NEB: variants seen among roughly 807,000 people sequenced by gnomAD.
NEB encodes the protein nemaline myopathy type 2.
NEB carries 512 observed loss-of-function variants against 952.2 expected under a neutral mutation model. The ratio of observed to expected loss-of-function variants is 0.54; its 90% CI spans 0.50 to 0.58. The LOEUF (loss-of-function observed/expected upper bound fraction) is 0.58. Among genes scored for constraint, NEB ranks in the 20% least tolerant of loss-of-function variants. The pLI, the probability that NEB is intolerant of heterozygous loss-of-function variation, is 0.00. For missense variants in NEB, 8,428 were observed against 9,231.1 expected (o/e 0.91, Z 3.56); for synonymous variants, 2,900 against 3,149.8 (o/e 0.92, Z 2.66).
chr2:151,667,086 T>C (rs975682348), intron 40 of NEB, among the ~76,000 whole-genome samples: 1 of 151,678 alleles, frequency 6.6e-6, no homozygotes, highest in Non-Finnish European at 1.5e-5. Flanking sequence ...ACTAAAATCC[T>C]GTTATATAAT....
intron 81 of NEB, 82 bp downstream of exon 81, chr2:151,609,727 G>A: frequency 7.3e-7 from 1 of 1,370,138 alleles, no homozygotes; most frequent in Non-Finnish European, 1.0e-6. Flanking sequence ...CAGCCCAGGG[G>A]ACTGTCCTCA....
In NEB at chr2:151,672,571, G is replaced by A; in HGVS notation, c.4097C>T (p.Ser1366Phe). The A allele has an allele frequency of 6.2e-7, 1 of 1,613,996 alleles. No individual in the cohort carries two copies. The highest frequency in any genetic ancestry group is 1.1e-5 in the South Asian group (1 of 91,086). ...ATAGTTCTTCTTGTATTCACGATCAGACTGCAGCTTTGCCACATTCATATA... is the reference window on the plus strand; with the variant it reads ...ATAGTTCTTCTTGTATTCACGATCAAACTGCAGCTTTGCCACATTCATATA... ...VHYMNVAKLQ[S>F]DREYKKNYEN... The change falls in exon 37 of 182, where the codon TCT becomes TTT. Residue 1366 changes from serine (S) to phenylalanine (F), a missense_variant. This residue lies in a region of NEB where 2,851 missense variants were observed against 2,791.5 expected (regional missense o/e 1.02). Coordinates refer to ENST00000397345, the MANE Select transcript of NEB (RefSeq NM_001164508.2).
chr2:151,572,383 A>G (rs982709673), intron 107 of NEB, among the ~76,000 whole-genome samples: 31 of 151,572 alleles, frequency 2.0e-4, no homozygotes, highest in African/African-American at 7.2e-4. Context: ...GCAAACGTGT[A>G]TTATGTTATC....
rs2098235987 is a variant in NEB at position 151,617,398 on chromosome 2, A to G, written c.11147T>C (p.Met3716Thr). ...GTTTATTCGGTTGAGTTTGGCTAACATGATTTCTGGTGTATCAGGCATGAC... is the reference window on the plus strand; with the variant it reads ...GTTTATTCGGTTGAGTTTGGCTAACGTGATTTCTGGTGTATCAGGCATGAC... ...IHVMPDTPEI[M>T]LAKLNRINYS... The change falls in exon 75 of 182, where the codon ATG (methionine) becomes ACG (threonine). Residue 3716 changes from methionine to threonine, a missense_variant. Transcript: ENST00000397345. The G allele has an allele frequency of 1.3e-6, 2 of 1,570,972 alleles. No individual in the cohort carries two copies. Among genetic ancestry groups the G allele is most frequent in the Admixed American group, 1.8e-5 (1 of 54,596 alleles).
chr2:151,498,334 G>A lies in NEB; in HGVS notation c.24133C>T (p.Leu8045=). The A allele has an allele frequency of 1.3e-6, 2 of 1,550,696 alleles. No individual in the cohort carries two copies. The highest frequency in any genetic ancestry group is 8.7e-7 in the Non-Finnish European group (1 of 1,146,374). The part of the protein sequence containing the change: ...NFSSVLYKEN[L]GTGIPIPITP... ...ATGGGGATTGGAATTCCTGTCCCCA[G>A]GTTTTCTTTGTATAGCACCTGTATG... is the stretch of plus-strand genomic sequence containing the variant. The change falls in exon 170 of 182, where the codon CTG becomes TTG. Residue 8045 remains leucine, a synonymous_variant. Coordinates refer to ENST00000397345, the MANE Select transcript of NEB (RefSeq NM_001164508.2).
chr2:151,716,753 T>C (rs1210946303), intron 10 of NEB, among the ~76,000 whole-genome samples: 2 of 152,094 alleles, frequency 1.3e-5, no homozygotes, highest in Non-Finnish European at 1.5e-5. Context: ...CTGACACTCA[T>C]CTCCACAGAG....
At chr2:151,723,750 G>GTTTTTTTTTTTTTT (rs11308757) in intron 8 of NEB, among the ~76,000 whole-genome samples, 15 of 51,358 alleles carry the variant, frequency 2.9e-4, no homozygotes, top group Non-Finnish European at 5.2e-4. Flanking sequence ...TGCCTTCTTT[G>GTTTTTTTTTTTTTT]TTTTTTTTTT....
intron 84 of NEB, among the ~76,000 whole-genome samples, chr2:151,605,616 G>C (rs531424377): frequency 1.6e-5 from 2 of 125,994 alleles, no homozygotes; most frequent in East Asian, 4.9e-4. Flanking sequence ...CAAAGAGAGA[G>C]AAAACTGGGA....
intron 13 of NEB, among the ~76,000 whole-genome samples, chr2:151,699,930 T>C (rs2099633185): frequency 6.7e-6 from 1 of 150,206 alleles, no homozygotes; most frequent in South Asian, 2.1e-4. Flanking sequence ...AGACAGGAAG[T>C]CCTTGCCCAT....
chr2:151,546,212 A>G (rs1277757559), intron 134 of NEB, 133 bp downstream of exon 134: 2 of 741,316 alleles, frequency 2.7e-6, no homozygotes, highest in Non-Finnish European at 4.5e-6. Context: ...TAATCTGCTC[A>G]AGTGAGTTAA....
chr2:151,681,556 C>T (rs960624454), intron 29 of NEB, among the ~76,000 whole-genome samples: 3 of 152,176 alleles, frequency 2.0e-5, no homozygotes, highest in Non-Finnish European at 4.4e-5. Context: ...AAACCACTAA[C>T]CCAGAACTTT....
chr2:151,512,207 A>AT (rs1282822020), intron 161 of NEB, among the ~76,000 whole-genome samples: 14 of 150,568 alleles, frequency 9.3e-5, no homozygotes, highest in Admixed American at 2.0e-4. Flanking sequence ...ATTTTTGTGT[A>AT]TTTTTTTTAG....
intron 52 of NEB, 60 bp from the exon 53 acceptor site, chr2:151,650,945 C>T (rs2099022516): frequency 2.1e-6 from 3 of 1,424,658 alleles, no homozygotes; most frequent in East Asian, 2.3e-5. Context: ...GCTCAACTTG[C>T]TTTTTTTTCT....
chr2:151,488,502 C>T lies in NEB; in HGVS notation c.25404+1469G>A, dbSNP rs1431672805. Among the ~76,000 whole-genome samples, 14 of 151,156 alleles carry T rather than the reference C, an allele frequency of 9.3e-5. No homozygotes were observed. The East Asian group carries it at 2.3e-3, about 25-fold the overall frequency. On this transcript the variant is annotated intron_variant, in intron 181 of 181. Transcript: ENST00000397345. ...CCAAAAAAAAAAAAAAAAAAATTAG[C>T]CTAGAATGGCATATACACCTGTAGT... is the stretch of plus-strand genomic sequence containing the variant.
chr2:151,635,707 C>CAAAAAAA (rs1292764660), intron 64 of NEB, among the ~76,000 whole-genome samples: 80 of 85,996 alleles, frequency 9.3e-4, no homozygotes, highest in African/African-American at 3.5e-3. Context: ...ACTCTGTCTC[C>CAAAAAAA]AAAAAAAAAA....
chr2:151,506,918 AT>A lies in NEB; in HGVS notation c.23546del (p.Asn7849IlefsTer23). The A allele has an allele frequency of 6.3e-7, 1 of 1,598,234 alleles. No homozygotes were observed. The highest frequency in any genetic ancestry group is 8.6e-7 in the Non-Finnish European group (1 of 1,167,108). ...TAAATAGTAAATATACCGAGCTGAA[AT>A]TCTTCTGATTTTCTTTTACACGCAG... ...EILRVKENQKNFSSVLYKEDV... is the reference protein window; with the variant it reads ...EILRVKENQKXFSSVLYKEDV... On this transcript the variant is annotated frameshift_variant, in exon 163 of 182. Coordinates refer to ENST00000397345, the MANE Select transcript of NEB (RefSeq NM_001164508.2). LOFTEE classifies it high-confidence loss of function.
Position 151,692,149 on chromosome 2 carries a change from TAA to T in NEB, c.2014_2015del (p.Leu672IlefsTer30). On this transcript the variant is annotated frameshift_variant, in exon 22 of 182. Coordinates refer to ENST00000397345, the MANE Select transcript of NEB (RefSeq NM_001164508.2). LOFTEE classifies it high-confidence loss of function. ...KNFSEARYKD[L>X]YVKDVLGHYV... ...AATGTCCCAAAACATCCTTTACATA[TAA>T]GTCTTTATATCTAGCCTGAAAAATA... is the stretch of plus-strand genomic sequence containing the variant. 6.2e-7 allele frequency: 1 copy of T among 1,613,610 alleles called. No homozygotes were observed. The highest frequency in any genetic ancestry group is 8.5e-7 in the Non-Finnish European group (1 of 1,179,534).
Position 151,627,722 on chromosome 2 carries a change from TC to T in NEB, c.9943del (p.Asp3315ThrfsTer26), listed in dbSNP as rs1553930053. On this transcript the variant is annotated frameshift_variant, in exon 69 of 182. Transcript: ENST00000397345. LOFTEE classifies it high-confidence loss of function. ...CTCAAAGTCCTTCTTATACTCCCTGTCACTCTGGATCTTGGCCACATGCATG... is the reference window on the plus strand; with the variant it reads ...CTCAAAGTCCTTCTTATACTCCCTGTACTCTGGATCTTGGCCACATGCATG... ...WSMHVAKIQS[D>X]REYKKDFEKW... 1 of 1,614,002 alleles carries T rather than the reference TC, an allele frequency of 6.2e-7. No homozygotes were observed. Among genetic ancestry groups the T allele is most frequent in the Non-Finnish European group, 8.5e-7 (1 of 1,179,882 alleles).
intron 8 of NEB, 79 bp downstream of exon 8, chr2:151,724,181 A>G (rs763369384): frequency 3.8e-5 from 41 of 1,088,986 alleles, no homozygotes; most frequent in Middle Eastern, 3.9e-4. Flanking sequence ...CCAGATGATC[A>G]AGAGTTCACC....
Sources: allele counts gnomAD v4.1 joint callset (sites outside exome capture counted in the v4.1 genomes callset), GRCh38; gene constraint gnomAD v4.1.1; regional missense constraint gnomAD v4.1.1; transcripts MANE v1.5; gene names NCBI Gene and HGNC (gene_info 2026-07-23, HGNC 2026-07-21).